The following TSPAN14 variants were observed in gnomAD, a reference collection of about 807,000 sequenced individuals.
TSPAN14 encodes the protein tetraspanin 14.
Under a neutral mutation model 36.6 loss-of-function variants are expected in TSPAN14, and 16 were observed. The ratio of observed to expected loss-of-function variants is 0.44; its 90% CI spans 0.30 to 0.66. The LOEUF is 0.66. Ranked by LOEUF, TSPAN14 falls within the 30% of genes least tolerant of loss-of-function variation. The pLI is 0.12. For missense variants in TSPAN14, 231 were observed against 355.1 expected, an observed-to-expected ratio of 0.65 and a Z score of 2.81; for synonymous variants, 139 against 143.8, an observed-to-expected ratio of 0.97 and a Z score of 0.24.
At chr10:80,495,285 ATCCCCAGAACGAC>A (rs1848136577) in intron 2 of TSPAN14, among the ~76,000 whole-genome samples, 1 of 152,114 alleles carries the variant, frequency 6.6e-6, no homozygotes, top group African/African-American at 2.4e-5. Context: ...TCAAAATCAC[ATCCCCAGAACGAC>A]TGCCCCAATT....
At chr10:80,493,252 A>G (rs941239735) in intron 2 of TSPAN14, among the ~76,000 whole-genome samples, 1 of 152,242 alleles carries the variant, frequency 6.6e-6, no homozygotes, top group African/African-American at 2.4e-5. Flanking sequence ...AAAATGGAAA[A>G]TAACCGATGT....
intron 2 of TSPAN14, among the ~76,000 whole-genome samples, chr10:80,493,902 AC>A (rs770709652): frequency 6.6e-6 from 1 of 152,186 alleles, no homozygotes; most frequent in Non-Finnish European, 1.5e-5. Context: ...AAGCACTTGG[AC>A]TTTTCTAAGT....
intron 2 of TSPAN14, among the ~76,000 whole-genome samples, chr10:80,493,978 A>G (rs924400356): frequency 6.6e-6 from 1 of 152,242 alleles, no homozygotes; most frequent in African/African-American, 2.4e-5. Flanking sequence ...TTGGTTTCCA[A>G]CACAAGCATT....
At chr10:80,457,179 T>G (rs1471953615) in intron 1 of TSPAN14, among the ~76,000 whole-genome samples, 1 of 152,192 alleles carries the variant, frequency 6.6e-6, no homozygotes, top group Non-Finnish European at 1.5e-5. Flanking sequence ...CAATATGAGC[T>G]GGGTTTTCTC....
At chr10:80,478,929 T>C (rs1025705455) in intron 1 of TSPAN14, among the ~76,000 whole-genome samples, 8 of 152,266 alleles carry the variant, frequency 5.3e-5, no homozygotes, top group Admixed American at 3.3e-4. Context: ...GTGTTCCTAT[T>C]TCTCCACATC....
rs144759161 is a variant in TSPAN14 at position 80,500,314 on chromosome 10, C to CTTTTTTTT, written c.82-4389_82-4382dup. ...AATGAAAACAACACAAGGCCTTATT[C>CTTTTTTTT]TTTTTTTTTTTTTTTTTTTTTTTTT... On this transcript the variant is annotated intron_variant, in intron 2 of 8. Transcript: ENST00000429989. 3.1e-3 allele frequency among the ~76,000 whole-genome samples: 148 copies of CTTTTTTTT among 47,896 alleles called. 5 individuals carry two copies. The highest frequency in any genetic ancestry group is 4.0e-3 in the Non-Finnish European group (113 of 27,950). 31.4% of individuals were successfully genotyped at this position (47,896 alleles called of 152,430 possible).
intron 1 of TSPAN14, among the ~76,000 whole-genome samples, chr10:80,458,282 G>T (rs1845821602): frequency 6.6e-6 from 1 of 152,144 alleles, no homozygotes; most frequent in South Asian, 2.1e-4. Flanking sequence ...GATTGAGTGT[G>T]GGGCTAGATC....
At chr10:80,463,993 A>G (rs1846105356) in intron 1 of TSPAN14, among the ~76,000 whole-genome samples, 1 of 152,214 alleles carries the variant, frequency 6.6e-6, no homozygotes, top group Admixed American at 6.5e-5. Flanking sequence ...CCTCTGGCTC[A>G]TGCAGCCTGT....
intron 2 of TSPAN14, among the ~76,000 whole-genome samples, chr10:80,504,130 G>A (rs991767835): frequency 6.6e-6 from 1 of 152,208 alleles, no homozygotes; most frequent in African/African-American, 2.4e-5. Context: ...GAGCATAGAT[G>A]CGCCCCCTGC....
chr10:80,478,384 C>G lies in TSPAN14; in HGVS notation c.-17-10833C>G, dbSNP rs572368972. 3.9e-5 allele frequency among the ~76,000 whole-genome samples: 6 copies of G among 152,206 alleles called. No homozygotes were observed. The South Asian group carries it at 1.2e-3, about 32-fold the overall frequency. ...AAATTAAAGCATCAGCCAGGCTTCC[C>G]ACATCAATTGATAGGAGCTAACCGA... On this transcript the variant is annotated intron_variant, in intron 1 of 8. Coordinates refer to ENST00000429989, the Ensembl canonical transcript of TSPAN14.
At position 80,517,811 on chromosome 10, in the gene TSPAN14, C is replaced by T. The variant is rs146001439; in HGVS notation, c.742-94C>T. 2,515 of 1,189,780 alleles carry T rather than the reference C, an allele frequency of 2.1e-3. 41 individuals carry two copies. In the African/African-American group the frequency reaches 0.03, roughly 14 times the overall value. 73.7% of individuals were successfully genotyped at this position (1,189,780 alleles called of 1,614,324 possible). On this transcript the variant is annotated intron_variant, in intron 8 of 8. Coordinates refer to ENST00000429989, the Ensembl canonical transcript of TSPAN14. Reference sequence around the variant, plus strand: ...GTCGCAGCTGGGGGGTGAGGAGAGGCGTGCAGTGGGAGCTCCCAACCCCAC... The same window carrying T: ...GTCGCAGCTGGGGGGTGAGGAGAGGTGTGCAGTGGGAGCTCCCAACCCCAC...
chr10:80,457,552 T>C (rs971936083), intron 1 of TSPAN14, among the ~76,000 whole-genome samples: 2 of 152,218 alleles, frequency 1.3e-5, no homozygotes, highest in African/African-American at 4.8e-5. Flanking sequence ...TGGATTCATA[T>C]ACCAAACAAG....
At chr10:80,492,405 G>A (rs1204284571) in intron 2 of TSPAN14, among the ~76,000 whole-genome samples, 2 of 152,244 alleles carry the variant, frequency 1.3e-5, no homozygotes, top group Non-Finnish European at 2.9e-5. Flanking sequence ...TGTTGATGGT[G>A]GACACTGGGC....
chr10:80,466,246 A>T (rs1846238914), intron 1 of TSPAN14, among the ~76,000 whole-genome samples: 1 of 152,042 alleles, frequency 6.6e-6, no homozygotes, highest in Non-Finnish European at 1.5e-5. Context: ...TGCACCTTGG[A>T]GTGTCCTCAT....
chr10:80,514,188 C>A, intron 7 of TSPAN14, 125 bp downstream of exon 7: 1 of 852,590 alleles, frequency 1.2e-6, no homozygotes, highest in Non-Finnish European at 1.9e-6. Context: ...CTCTTGATGC[C>A]ACCTAAGCTG....
chr10:80,518,379 G>A, exon 9 of TSPAN14: 1 of 225,808 alleles, frequency 4.4e-6, no homozygotes, highest in South Asian at 7.0e-5. Flanking sequence ...ACATCTGTGG[G>A]TGGGCCGTGG....
At chr10:80,520,384 C>T (rs873257) in exon 9 of TSPAN14, 171,058 of 395,472 alleles carry the variant, frequency 0.43, 40,330 homozygotes, top group East Asian at 0.83. Context: ...GAGCCGGTCA[C>T]GTGGCAGTCT....
At position 80,509,809 on chromosome 10, in the gene TSPAN14, T is replaced by C. The variant is rs1840517651; in HGVS notation, c.450+338T>C. 1 of 256,394 alleles carries C rather than the reference T, an allele frequency of 3.9e-6. No homozygotes were observed. 15.9% of individuals were successfully genotyped at this position (256,394 alleles called of 1,614,324 possible). A position where few individuals can be genotyped will look rare whatever the true frequency, so the allele number is the denominator to read the frequency against. On this transcript the variant is annotated intron_variant, in intron 5 of 8. Coordinates refer to ENST00000429989, the Ensembl canonical transcript of TSPAN14. This position sits in a 1 kb window ranked among gnomAD's most constrained non-coding sequence, Gnocchi z 4.7. Reference sequence around the variant, plus strand: ...ACCAGCTGCAATCCTCCTTAGGCGCTGCATACCGTAAGGCACAGCTTCTTC... The same window carrying C: ...ACCAGCTGCAATCCTCCTTAGGCGCCGCATACCGTAAGGCACAGCTTCTTC...
At chr10:80,478,397 A>G (rs1264631377) in intron 1 of TSPAN14, among the ~76,000 whole-genome samples, 6 of 152,228 alleles carry the variant, frequency 3.9e-5, no homozygotes, top group Admixed American at 3.9e-4. Flanking sequence ...ATCAATTGAT[A>G]GGAGCTAACC....
Sources: allele counts gnomAD v4.1 joint callset (sites outside exome capture counted in the v4.1 genomes callset), GRCh38; gene constraint gnomAD v4.1.1; non-coding constraint Gnocchi (gnomAD v3.1); transcripts MANE v1.5; gene names NCBI Gene and HGNC (gene_info 2026-07-23, HGNC 2026-07-21).